Variants in FSTL4 observed in about 807,000 individuals in gnomAD.
FSTL4 encodes the protein follistatin like 4, also known as follistatin-related protein 4.
Under a neutral mutation model 78.2 loss-of-function variants are expected in FSTL4, and 28 were observed. The ratio of observed to expected loss-of-function variants is 0.36; its 90% CI spans 0.27 to 0.49. FSTL4 has a LOEUF of 0.49. Among genes scored for constraint, FSTL4 ranks in the 20% least tolerant of loss-of-function variants. FSTL4 has a pLI of 0.98. For missense variants in FSTL4, 922 were observed against 1,084.9 expected (o/e 0.85, Z 2.11); for synonymous variants, 422 against 440.5 (o/e 0.96, Z 0.53).
the FSTL4 span, among the ~76,000 whole-genome samples, chr5:133,718,322 GCCTGCCTCGGCCTCC>G: frequency 6.6e-6 from 1 of 152,054 alleles, no homozygotes; most frequent in Non-Finnish European, 1.5e-5. Flanking sequence ...CTCGTGATCC[GCCTGCCTCGGCCTCC>G]CAAAATGCTG....
At chr5:133,469,839 G>A (rs961780230) in intron 3 of FSTL4, among the ~76,000 whole-genome samples, 1 of 152,068 alleles carries the variant, frequency 6.6e-6, no homozygotes, top group East Asian at 1.9e-4. Context: ...AGAGGCAGCC[G>A]CCGTACAGGG....
intron 3 of FSTL4, among the ~76,000 whole-genome samples, chr5:133,419,124 T>A (rs1034991959): frequency 2.0e-5 from 3 of 152,208 alleles, no homozygotes; most frequent in Non-Finnish European, 2.9e-5. Context: ...ATTCCTTTTT[T>A]TATTTTTTAT....
Position 133,425,159 on chromosome 5 carries a change from G to T in FSTL4, c.161-24173C>A, listed in dbSNP as rs150851620. Among the ~76,000 whole-genome samples the T allele has an allele frequency of 1.2e-4, 18 of 152,086 alleles. No homozygotes were observed. In the East Asian group the frequency reaches 3.5e-3, roughly 29 times the overall value. ...GATGTAGATTTTGTTACAGATTTTT[G>T]ACAACACTTTATTATAAAGTTTTTA... is the stretch of plus-strand genomic sequence containing the variant. On this transcript the variant is annotated intron_variant, in intron 3 of 15. Transcript: ENST00000265342.
chr5:133,774,597 T>C, the FSTL4 span, among the ~76,000 whole-genome samples: 1 of 152,228 alleles, frequency 6.6e-6, no homozygotes, highest in Non-Finnish European at 1.5e-5. Context: ...ATTGAATCCC[T>C]AAATCCTCTT....
intron 4 of FSTL4, among the ~76,000 whole-genome samples, chr5:133,358,693 G>A (rs762572188): frequency 1.4e-5 from 2 of 147,658 alleles, no homozygotes; most frequent in South Asian, 2.1e-4. Context: ...TCTGCCTCCC[G>A]GATTCAAGCG....
At chr5:133,626,145 CAT>C in the FSTL4 span, among the ~76,000 whole-genome samples, 246 of 2,920 alleles carry the variant, frequency 0.084, 12 homozygotes, top group Middle Eastern at 0.5. Flanking sequence ...ATATATATTC[CAT>C]ATATATATAT....
intron 6 of FSTL4, among the ~76,000 whole-genome samples, chr5:133,254,795 A>G (rs942631723): frequency 6.6e-6 from 1 of 152,206 alleles, no homozygotes; most frequent in African/African-American, 2.4e-5. Flanking sequence ...AGCAAACCCC[A>G]TCATCCTGTT....
At chr5:133,785,895 A>G in the FSTL4 span, among the ~76,000 whole-genome samples, 1 of 152,198 alleles carries the variant, frequency 6.6e-6, no homozygotes, top group Non-Finnish European at 1.5e-5. Context: ...GGCCAGGTGA[A>G]GCTGGCAGAT....
the FSTL4 span, among the ~76,000 whole-genome samples, chr5:133,781,880 T>C: frequency 6.6e-6 from 1 of 152,266 alleles, no homozygotes; most frequent in African/African-American, 2.4e-5. Context: ...ATGGTAATTA[T>C]AATTTTCACA....
At chr5:133,310,721 A>G (rs1444955495) in intron 6 of FSTL4, among the ~76,000 whole-genome samples, 1 of 152,196 alleles carries the variant, frequency 6.6e-6, no homozygotes, top group African/African-American at 2.4e-5. Flanking sequence ...CTAAAAATGC[A>G]CTGAGCTTTT....
the FSTL4 span, among the ~76,000 whole-genome samples, chr5:133,664,693 T>C: frequency 2.0e-5 from 3 of 152,232 alleles, no homozygotes; most frequent in Admixed American, 2.0e-4. Flanking sequence ...TTCTACTTAG[T>C]TCTCAATGAA....
the FSTL4 span, among the ~76,000 whole-genome samples, chr5:133,645,016 T>C: frequency 6.6e-6 from 1 of 152,146 alleles, no homozygotes; most frequent in Non-Finnish European, 1.5e-5. Context: ...CCTGTCCCTT[T>C]GGTCCTAATG....
upstream of FSTL4, among the ~76,000 whole-genome samples, chr5:133,616,067 G>A (rs1004868408): frequency 6.6e-6 from 1 of 152,194 alleles, no homozygotes. Context: ...GGAGGAAACT[G>A]AAGTCTGCTA....
the FSTL4 span, among the ~76,000 whole-genome samples, chr5:133,689,884 A>G: frequency 6.6e-6 from 1 of 152,100 alleles, no homozygotes; most frequent in Non-Finnish European, 1.5e-5. Context: ...AACATGGTGA[A>G]ACCCCGTTTC....
At chr5:133,518,569 C>A (rs536582896) in intron 3 of FSTL4, among the ~76,000 whole-genome samples, 15 of 152,272 alleles carry the variant, frequency 9.9e-5, no homozygotes, top group African/African-American at 3.4e-4. Context: ...CAGTTTGACA[C>A]TATAGTTCTA....
At chr5:133,634,603 G>A in the FSTL4 span, among the ~76,000 whole-genome samples, 42,987 of 151,956 alleles carry the variant, frequency 0.28, 6,384 homozygotes, top group Non-Finnish European at 0.32. Context: ...CAGGAAGAAT[G>A]GGGTGGGGGT....
intron 6 of FSTL4, among the ~76,000 whole-genome samples, chr5:133,261,322 C>T (rs1752513982): frequency 6.6e-6 from 1 of 152,096 alleles, no homozygotes; most frequent in Non-Finnish European, 1.5e-5. Flanking sequence ...GTGGAGGCAT[C>T]ACACGTAGGT....
At chr5:133,637,315 C>T in the FSTL4 span, among the ~76,000 whole-genome samples, 2 of 152,102 alleles carry the variant, frequency 1.3e-5, no homozygotes, top group Non-Finnish European at 2.9e-5. Context: ...ACGTCATCTA[C>T]GACCTCCCCA....
At chr5:133,509,975 T>C (rs1758692089) in intron 3 of FSTL4, among the ~76,000 whole-genome samples, 1 of 152,252 alleles carries the variant, frequency 6.6e-6, no homozygotes, top group Non-Finnish European at 1.5e-5. Context: ...ATATGGAGTG[T>C]AGGCAAAAGA....
Sources: allele counts gnomAD v4.1 joint callset (sites outside exome capture counted in the v4.1 genomes callset), GRCh38; gene constraint gnomAD v4.1.1; transcripts MANE v1.5; gene names NCBI Gene and HGNC (gene_info 2026-07-23, HGNC 2026-07-21).